The following MOB3B variants were observed in gnomAD, a reference collection of about 807,000 sequenced individuals.
The protein encoded by MOB3B is MOB kinase activator 3B, also known as MOB kinase activator-like 2B.
A neutral mutation model predicts 18.7 loss-of-function variants in MOB3B; 7 were observed. The ratio of observed to expected loss-of-function variants is 0.37; its 90% CI spans 0.21 to 0.70. The LOEUF is 0.70. Among genes scored for constraint, MOB3B ranks in the 30% least tolerant of loss-of-function variants. The probability of loss-of-function intolerance (pLI) is 0.52; values close to 1 mark genes in which losing one functional copy is unlikely to be tolerated. For synonymous variants in MOB3B, 111 were observed against 99.9 expected, an observed-to-expected ratio of 1.11 and a Z score of -0.66; for missense variants, 253 against 281.3, an observed-to-expected ratio of 0.90 and a Z score of 0.72.
chr9:27,418,166 C>T (rs1822183725), intron 2 of MOB3B, among the ~76,000 whole-genome samples: 1 of 146,610 alleles, frequency 6.8e-6, no homozygotes, highest in East Asian at 2.0e-4. Context: ...CTCAATAGAC[C>T]AAAAACAAGC....
chr9:27,471,126 CT>C (rs947433045), intron 1 of MOB3B, among the ~76,000 whole-genome samples: 1 of 152,156 alleles, frequency 6.6e-6, no homozygotes, highest in African/African-American at 2.4e-5. Context: ...AATGCAGACT[CT>C]AGCATCCCAC....
At chr9:27,515,030 G>T (rs746791852) in intron 1 of MOB3B, among the ~76,000 whole-genome samples, 25 of 152,258 alleles carry the variant, frequency 1.6e-4, no homozygotes, top group Non-Finnish European at 3.2e-4. Context: ...TTTTGTTGTT[G>T]CTTCATTTGG....
intron 1 of MOB3B, among the ~76,000 whole-genome samples, chr9:27,505,549 T>C (rs1820045532): frequency 6.6e-6 from 1 of 152,216 alleles, no homozygotes; most frequent in African/African-American, 2.4e-5. Flanking sequence ...CTAAATGTAT[T>C]TTCACATAAA....
intron 2 of MOB3B, among the ~76,000 whole-genome samples, chr9:27,382,865 C>G (rs915708193): frequency 5.3e-5 from 8 of 152,136 alleles, no homozygotes; most frequent in African/African-American, 1.9e-4. Flanking sequence ...ACTTCAAAGC[C>G]CCACAATAAT....
intron 1 of MOB3B, among the ~76,000 whole-genome samples, chr9:27,518,925 T>C (rs1354736971): frequency 1.3e-5 from 2 of 152,192 alleles, no homozygotes; most frequent in Admixed American, 6.5e-5. Context: ...AAAGACACAT[T>C]TTTCTTCTGG....
chr9:27,337,242 G>C (rs781209580), intron 3 of MOB3B, among the ~76,000 whole-genome samples: 2 of 152,264 alleles, frequency 1.3e-5, no homozygotes, highest in Non-Finnish European at 2.9e-5. Flanking sequence ...AGGTCAGAAA[G>C]AGGGCTTTCT....
chr9:27,484,783 G>A (rs781596705), intron 1 of MOB3B, among the ~76,000 whole-genome samples: 7 of 152,070 alleles, frequency 4.6e-5, no homozygotes, highest in Non-Finnish European at 1.0e-4. Context: ...AGAACTCAGC[G>A]TTCCATGCAT....
At chr9:27,331,326 C>T (rs6475989) in intron 3 of MOB3B, among the ~76,000 whole-genome samples, 42,946 of 151,964 alleles carry the variant, frequency 0.28, 7,173 homozygotes, top group African/African-American at 0.47. Flanking sequence ...CAAATTGCCA[C>T]TCATTTTTCC....
chr9:27,483,444 T>C (rs1323537238), intron 1 of MOB3B, among the ~76,000 whole-genome samples: 1 of 152,244 alleles, frequency 6.6e-6, no homozygotes, highest in Non-Finnish European at 1.5e-5. Flanking sequence ...TATATGGTAC[T>C]TCTTTCATTG....
intron 2 of MOB3B, chr9:27,378,745 G>C: frequency 2.2e-6 from 1 of 461,420 alleles, no homozygotes; most frequent in Non-Finnish European, 4.5e-6. Context: ...TGTGACCAAA[G>C]TGATAAAGGA....
chr9:27,336,638 G>A (rs984219715), intron 3 of MOB3B, among the ~76,000 whole-genome samples: 2 of 152,060 alleles, frequency 1.3e-5, no homozygotes, highest in Admixed American at 1.3e-4. Context: ...CTCTCTCAGG[G>A]CCACATCTGA....
chr9:27,521,085 G>C (rs1443543682), intron 1 of MOB3B, among the ~76,000 whole-genome samples: 1 of 152,044 alleles, frequency 6.6e-6, no homozygotes, highest in Admixed American at 6.6e-5. Context: ...CTTGCTCTTG[G>C]GGAACCCTAA....
intron 1 of MOB3B, among the ~76,000 whole-genome samples, chr9:27,458,495 C>T (rs2131453473): frequency 6.7e-6 from 1 of 148,830 alleles, no homozygotes; most frequent in African/African-American, 2.5e-5. Flanking sequence ...TAGAGATACT[C>T]ATATAACAAA....
At chr9:27,473,548 C>T (rs1329736896) in intron 1 of MOB3B, among the ~76,000 whole-genome samples, 1 of 152,070 alleles carries the variant, frequency 6.6e-6, no homozygotes, top group African/African-American at 2.4e-5. Context: ...GGGCCATGGG[C>T]CTCTGGGGCA....
intron 2 of MOB3B, 65 bp downstream of exon 2, chr9:27,455,068 C>T: frequency 6.3e-7 from 1 of 1,577,328 alleles, no homozygotes; most frequent in Non-Finnish European, 8.7e-7. Context: ...CAAAGGCAGT[C>T]TGCAAATTTT....
intron 2 of MOB3B, among the ~76,000 whole-genome samples, chr9:27,441,880 G>A (rs1262472645): frequency 6.6e-6 from 1 of 152,096 alleles, no homozygotes; most frequent in Non-Finnish European, 1.5e-5. Flanking sequence ...CCCTTTCAAA[G>A]GTACACAAAA....
chr9:27,495,620 T>A (rs1254373120), intron 1 of MOB3B, among the ~76,000 whole-genome samples: 1 of 152,142 alleles, frequency 6.6e-6, no homozygotes, highest in African/African-American at 2.4e-5. Flanking sequence ...ATGAAGAAAG[T>A]AATGAATCCA....
intron 1 of MOB3B, among the ~76,000 whole-genome samples, chr9:27,511,840 T>G (rs998288547): frequency 6.6e-6 from 1 of 152,162 alleles, no homozygotes; most frequent in Non-Finnish European, 1.5e-5. Flanking sequence ...CAATGCATTT[T>G]GATTGCTAGA....
At chr9:27,355,947 A>G (rs561117099) in intron 3 of MOB3B, among the ~76,000 whole-genome samples, 7 of 152,286 alleles carry the variant, frequency 4.6e-5, no homozygotes, top group South Asian at 4.1e-4. Context: ...GTGCATTGCA[A>G]CAGTATTAGC....
Sources: gnomAD v4.1 joint callset for allele counts (sites outside exome capture counted in the v4.1 genomes callset) on GRCh38, gnomAD v4.1.1 for gene constraint, MANE v1.5 for transcripts, NCBI Gene and HGNC (gene_info 2026-07-23, HGNC 2026-07-21) for gene names.